Variants in RAD21 observed in about 807,000 individuals in gnomAD.
RAD21 encodes the protein RAD21 cohesin complex component, also known as double-strand-break repair protein rad21 homolog.
Under a neutral mutation model 71.5 loss-of-function variants are expected in RAD21, and 18 were observed. That is an observed-to-expected ratio of 0.25 (90% CI 0.17 to 0.37). The LOEUF (loss-of-function observed/expected upper bound fraction) is 0.37. Ranked by LOEUF, RAD21 falls within the 10% of genes least tolerant of loss-of-function variation. The pLI, the probability that RAD21 is intolerant of heterozygous loss-of-function variation, is 1.00. For missense variants in RAD21, 493 were observed against 769.1 expected (o/e 0.64, Z 4.25); for synonymous variants, 248 against 254.0 (o/e 0.98, Z 0.22).
chr8:116,846,376 A>C lies in RAD21; in HGVS notation c.*1124T>G, dbSNP rs571316356. On this transcript the variant is annotated 3_prime_UTR_variant, in exon 14 of 14. Coordinates refer to ENST00000297338, the MANE Select transcript of RAD21 (RefSeq NM_006265.3). ...CCCTAAAAAGTTAAGACATTCTGAT[A>C]ATCATAACAGTCACATGATTTCTGA... The C allele has an allele frequency of 4.4e-6, 1 of 229,874 alleles. No homozygotes were observed. The highest frequency in any genetic ancestry group is 1.8e-4 in the South Asian group (1 of 5,500). The allele number at this position is 229,874 out of a possible 1,614,324, so 14.2% of individuals were successfully genotyped here. A position where few individuals can be genotyped will look rare whatever the true frequency, so the allele number is the denominator to read the frequency against.
intron 2 of RAD21, among the ~76,000 whole-genome samples, chr8:116,865,585 T>A (rs1047194762): frequency 1.3e-5 from 2 of 152,078 alleles, no homozygotes; most frequent in African/African-American, 4.8e-5. Flanking sequence ...TAAAAATAAA[T>A]CTTAAGAAAC....
At chr8:116,856,063 G>T in intron 8 of RAD21, 103 bp downstream of exon 8, 1 of 1,337,210 alleles carries the variant, frequency 7.5e-7, no homozygotes, top group Non-Finnish European at 1.0e-6. Context: ...AAAGCAAGAA[G>T]CCTAGTTATC....
chr8:116,867,564 A>C (rs1057140266), intron 1 of RAD21, among the ~76,000 whole-genome samples: 1 of 152,180 alleles, frequency 6.6e-6, no homozygotes, highest in African/African-American at 2.4e-5. Flanking sequence ...TATTTCCTTT[A>C]TATCATTTAA....
At chr8:116,850,484 T>C in intron 12 of RAD21, 134 bp downstream of exon 12, 1 of 1,388,742 alleles carries the variant, frequency 7.2e-7, no homozygotes, top group Non-Finnish European at 9.7e-7. Flanking sequence ...AAGAATATGG[T>C]AAAATTTTGC....
chr8:116,858,737 C>T (rs1812523524), intron 4 of RAD21, among the ~76,000 whole-genome samples: 2 of 152,002 alleles, frequency 1.3e-5, no homozygotes, highest in Non-Finnish European at 2.9e-5. Context: ...AATTAGAAAT[C>T]ATGGGCTAGA....
chr8:116,859,719 T>G (rs1370657607), intron 4 of RAD21, among the ~76,000 whole-genome samples: 2 of 152,006 alleles, frequency 1.3e-5, no homozygotes, highest in African/African-American at 4.8e-5. Context: ...ACAACTACAT[T>G]GAAATAAGGC....
chr8:116,853,884 C>G (rs2130462035), intron 9 of RAD21, among the ~76,000 whole-genome samples: 1 of 152,160 alleles, frequency 6.6e-6, no homozygotes, highest in East Asian at 1.9e-4. Context: ...AGCCAGAATT[C>G]TTTACTGTGG....
chr8:116,848,145 C>A (rs1310645141), intron 13 of RAD21, among the ~76,000 whole-genome samples: 2 of 152,096 alleles, frequency 1.3e-5, no homozygotes, highest in East Asian at 3.8e-4. Flanking sequence ...TCCTTTAGAG[C>A]AACACAAAAC....
intron 13 of RAD21, 37 bp from the exon 14 acceptor site, chr8:116,847,728 T>A: frequency 6.5e-7 from 1 of 1,546,142 alleles, no homozygotes; most frequent in Non-Finnish European, 8.8e-7. Flanking sequence ...TTAATCTGTA[T>A]AATAAAGTAG....
At chr8:116,864,942 G>C (rs1563693342) in intron 2 of RAD21, among the ~76,000 whole-genome samples, 1 of 152,222 alleles carries the variant, frequency 6.6e-6, no homozygotes, top group Non-Finnish European at 1.5e-5. Flanking sequence ...GAAGAGAGAA[G>C]AGAAAAAGTA....
chr8:116,851,856 C>T, intron 11 of RAD21, 92 bp downstream of exon 11: 2 of 1,385,586 alleles, frequency 1.4e-6, no homozygotes, highest in South Asian at 1.4e-5. Flanking sequence ...TCTGTCAAAA[C>T]CAAGATACTT....
At chr8:116,866,197 C>A (rs1339472354) in intron 2 of RAD21, among the ~76,000 whole-genome samples, 2 of 150,878 alleles carry the variant, frequency 1.3e-5, no homozygotes, top group Middle Eastern at 3.5e-3. Flanking sequence ...TAATATGTAG[C>A]CTTTTTAGAT....
chr8:116,853,888 A>C (rs1046654169), intron 9 of RAD21, among the ~76,000 whole-genome samples: 4 of 152,240 alleles, frequency 2.6e-5, no homozygotes, highest in Non-Finnish European at 4.4e-5. Flanking sequence ...AGAATTCTTT[A>C]CTGTGGAAAA....
At chr8:116,861,572 G>GT (rs996103929) in intron 4 of RAD21, among the ~76,000 whole-genome samples, 88 of 151,430 alleles carry the variant, frequency 5.8e-4, no homozygotes, top group Non-Finnish European at 2.2e-4. Flanking sequence ...TATAACAAGC[G>GT]TATCTGTTTC....
Position 116,847,543 on chromosome 8 carries a change from C to T in RAD21, c.1853G>A (p.Ser618Asn), listed in dbSNP as rs1442193043. ...TGGTCCAGGTGTTGCGATGATGTCA[C>T]TGTACGGTTCTTCCTGTGTCAGCTC... Reference protein sequence around the residue: ...AIELTQEEPYSDIIATPGPRF... With the variant: ...AIELTQEEPYNDIIATPGPRF... The change falls in exon 14 of 14, where the codon AGT becomes AAT. Residue 618 changes from serine (S) to asparagine (N), a missense_variant. By Grantham distance (46) the Ser-to-Asn change is conservative. This residue lies in a region of RAD21 where 34 missense variants were observed against 59.9 expected (regional missense o/e 0.57). Transcript: ENST00000297338. 1.2e-6 allele frequency: 2 copies of T among 1,613,874 alleles called. No individual in the cohort carries two copies. The highest frequency in any genetic ancestry group is 3.3e-5 in the Admixed American group (2 of 59,988).
intron 9 of RAD21, among the ~76,000 whole-genome samples, chr8:116,853,865 A>G (rs1812406757): frequency 1.3e-5 from 2 of 152,032 alleles, no homozygotes; most frequent in South Asian, 4.1e-4. Flanking sequence ...ACAACAAAAA[A>G]CCTCCTGAAG....
At chr8:116,863,722 GAAC>G (rs1281838669) in intron 2 of RAD21, among the ~76,000 whole-genome samples, 4 of 152,022 alleles carry the variant, frequency 2.6e-5, no homozygotes, top group African/African-American at 7.2e-5. Flanking sequence ...CCCCCCAAAA[GAAC>G]AACGCCTCTC....
At chr8:116,859,016 C>T (rs1009988098) in intron 4 of RAD21, among the ~76,000 whole-genome samples, 13 of 149,774 alleles carry the variant, frequency 8.7e-5, no homozygotes, top group African/African-American at 3.2e-4. Context: ...GGCGGCAAAG[C>T]TGTAATAGAT....
At chr8:116,848,843 A>G in intron 13 of RAD21, 103 bp downstream of exon 13, 1 of 775,250 alleles carries the variant, frequency 1.3e-6, no homozygotes, top group Non-Finnish European at 2.0e-6. Context: ...AAAGTTTGAC[A>G]AAGGTATGCT....
Sources: gnomAD v4.1 joint callset for allele counts (sites outside exome capture counted in the v4.1 genomes callset) on GRCh38, gnomAD v4.1.1 for gene constraint, gnomAD v4.1.1 regional missense constraint, MANE v1.5 for transcripts, NCBI Gene and HGNC (gene_info 2026-07-23, HGNC 2026-07-21) for gene names.